The following CSGALNACT1 variants were observed in gnomAD, a reference collection of about 807,000 sequenced individuals.
The protein encoded by CSGALNACT1 is chondroitin sulfate N-acetylgalactosaminyltransferase 1, also known as beta4GalNAcT-1.
CSGALNACT1 carries 52 observed loss-of-function variants against 51.0 expected under a neutral mutation model. That is an observed-to-expected ratio of 1.02 (90% CI 0.82 to 1.29). The LOEUF (loss-of-function observed/expected upper bound fraction) is 1.29. Among genes scored for constraint, CSGALNACT1 ranks in the 50% most tolerant of loss-of-function variants. CSGALNACT1 has a pLI of 0.00. For missense variants in CSGALNACT1, 935 were observed against 679.2 expected (o/e 1.38, Z -4.19); for synonymous variants, 341 against 254.4 (o/e 1.34, Z -3.24).
Position 19,418,875 on chromosome 8 carries a change from G to T in CSGALNACT1, c.1133-125C>A. On this transcript the variant is annotated intron_variant, in intron 7 of 9. Coordinates refer to ENST00000454498, the Ensembl canonical transcript of CSGALNACT1. ...CCACTTTTTTTTTCTTTGAGAGGCA[G>T]TCTCACTGTCACCCAGGCTGCAATA... is the stretch of plus-strand genomic sequence containing the variant. 3 of 715,984 alleles carry T rather than the reference G, an allele frequency of 4.2e-6. No homozygotes were observed. The South Asian group carries it at 4.5e-5, about 11-fold the overall frequency. 44.4% of individuals were successfully genotyped at this position (715,984 alleles called of 1,614,324 possible).
At chr8:19,441,407 TA>T (rs1475826317) in intron 5 of CSGALNACT1, among the ~76,000 whole-genome samples, 1 of 152,042 alleles carries the variant, frequency 6.6e-6, no homozygotes, top group Non-Finnish European at 1.5e-5. Flanking sequence ...CCCTCAGAAA[TA>T]ATGCAGCATA....
In CSGALNACT1 at chr8:19,742,898, G is replaced by A. The variant is rs2064402472; in HGVS notation, c.-297+14952C>T. On this transcript the variant is annotated intron_variant, in intron 1 of 1. Coordinates refer to the CSGALNACT1 transcript ENST00000517494. Reference sequence around the variant, plus strand: ...TTCCACTTCTGCCACTGGCAACCACGTGAACTCTGAGAAGCCTCTTTGCCT... The same window carrying A: ...TTCCACTTCTGCCACTGGCAACCACATGAACTCTGAGAAGCCTCTTTGCCT... Among the ~76,000 whole-genome samples, 3 of 152,178 alleles carry A rather than the reference G, an allele frequency of 2.0e-5. No individual in the cohort carries two copies. In the South Asian group the frequency reaches 6.2e-4, roughly 32 times the overall value.
rs577650438 is a variant in CSGALNACT1, at chr8:19,492,534, C to A, written c.634+12667G>T. 5.3e-5 allele frequency among the ~76,000 whole-genome samples: 8 copies of A among 152,328 alleles called. No homozygotes were observed. The South Asian group carries it at 1.7e-3, about 32-fold the overall frequency. ...CTTAAACTCTGTGCCATCTACCCTG[C>A]TGGAGCTAGCCTGCCAACCTGGGCC... is the stretch of plus-strand genomic sequence containing the variant. On this transcript the variant is annotated intron_variant, in intron 4 of 9. Coordinates refer to ENST00000454498, the Ensembl canonical transcript of CSGALNACT1.
At position 19,643,066 on chromosome 8, in the gene CSGALNACT1, CACG is replaced by C. The variant is rs899895840; in HGVS notation, c.-544+39404_-544+39406del. ...GCAGGAATCACACACATAAAATATA[CACG>C]ACTACTTAAAAATTAAAATTAATAA... On this transcript the variant is annotated intron_variant, in intron 1 of 9. Transcript: ENST00000332246. Among the ~76,000 whole-genome samples, 284 of 152,008 alleles carry C rather than the reference CACG, an allele frequency of 1.9e-3. 1 individual carries two copies. Among genetic ancestry groups the C allele is most frequent in the African/African-American group, 5.9e-3 (246 of 41,482 alleles).
intron 3 of CSGALNACT1, among the ~76,000 whole-genome samples, chr8:19,537,190 C>A (rs1008327426): frequency 2.6e-5 from 4 of 152,222 alleles, no homozygotes; most frequent in South Asian, 4.2e-4. Flanking sequence ...TAATTTGTTT[C>A]TTTATTACCT....
chr8:19,507,813 G>C (rs536501317), intron 3 of CSGALNACT1, among the ~76,000 whole-genome samples: 5 of 152,258 alleles, frequency 3.3e-5, no homozygotes, highest in African/African-American at 1.2e-4. Flanking sequence ...TATTTTAGTA[G>C]AGACGGGGTT....
At chr8:19,445,986 C>A (rs759733830) in intron 5 of CSGALNACT1, among the ~76,000 whole-genome samples, 9 of 152,094 alleles carry the variant, frequency 5.9e-5, no homozygotes, top group African/African-American at 1.9e-4. Context: ...ACCACCCTGG[C>A]CAACATGGTG....
chr8:19,749,947 C>G (rs2064925128), intron 1 of CSGALNACT1, among the ~76,000 whole-genome samples: 1 of 152,204 alleles, frequency 6.6e-6, no homozygotes, highest in Admixed American at 6.5e-5. Context: ...ATGCACCAGG[C>G]TGCAGCTCTC....
intron 1 of CSGALNACT1, among the ~76,000 whole-genome samples, chr8:19,717,995 C>T (rs2062908390): frequency 6.6e-6 from 1 of 152,198 alleles, no homozygotes; most frequent in Admixed American, 6.5e-5. Flanking sequence ...CATCCGCCAT[C>T]AAGCCATCGC....
intron 3 of CSGALNACT1, among the ~76,000 whole-genome samples, chr8:19,515,611 A>G (rs576421996): frequency 7.5e-4 from 115 of 152,378 alleles, no homozygotes; most frequent in African/African-American, 2.6e-3. Context: ...TGAAGCAGAA[A>G]AAGGGAAATG....
chr8:19,422,198 T>C (rs1216013715), intron 6 of CSGALNACT1, among the ~76,000 whole-genome samples: 2 of 152,130 alleles, frequency 1.3e-5, no homozygotes, highest in African/African-American at 4.8e-5. Flanking sequence ...ATAATACACT[T>C]TTTCTTTTAG....
At chr8:19,637,178 C>G (rs548959786) in intron 1 of CSGALNACT1, among the ~76,000 whole-genome samples, 11 of 152,098 alleles carry the variant, frequency 7.2e-5, no homozygotes, top group African/African-American at 2.7e-4. Context: ...TGCACTCCAG[C>G]CTGGGCGATA....
intron 3 of CSGALNACT1, among the ~76,000 whole-genome samples, chr8:19,552,923 A>T (rs1211583847): frequency 1.3e-5 from 2 of 152,184 alleles, no homozygotes; most frequent in Non-Finnish European, 2.9e-5. Flanking sequence ...GGCCCTGGGG[A>T]AAAACAGAGG....
chr8:19,507,918 T>C (rs1242335053), intron 3 of CSGALNACT1, among the ~76,000 whole-genome samples: 2 of 152,264 alleles, frequency 1.3e-5, no homozygotes, highest in East Asian at 1.9e-4. Flanking sequence ...TGAGCCGCCG[T>C]GCCCGGCCCT....
At chr8:19,726,149 T>A (rs567695003) in intron 1 of CSGALNACT1, among the ~76,000 whole-genome samples, 1 of 152,346 alleles carries the variant, frequency 6.6e-6, no homozygotes, top group South Asian at 2.1e-4. Flanking sequence ...GCCTGTATAT[T>A]GGAAATAATA....
chr8:19,689,942 A>G (rs965321619), intron 1 of CSGALNACT1, among the ~76,000 whole-genome samples: 3 of 152,220 alleles, frequency 2.0e-5, no homozygotes, highest in African/African-American at 7.2e-5. Context: ...CCAACCGCCA[A>G]TGCCTGATCC....
chr8:19,457,389 G>C (rs547079846), intron 5 of CSGALNACT1: 3 of 351,156 alleles, frequency 8.5e-6, no homozygotes, highest in South Asian at 4.4e-5. Context: ...GAGGTGAGCA[G>C]ATCACCTGAG....
chr8:19,693,626 C>T (rs572008223), intron 1 of CSGALNACT1, among the ~76,000 whole-genome samples: 14 of 152,230 alleles, frequency 9.2e-5, no homozygotes, highest in South Asian at 2.1e-4. Context: ...GACCTGTCTA[C>T]AGGGAGCCCC....
At chr8:19,664,696 T>C (rs928547288) in intron 1 of CSGALNACT1, among the ~76,000 whole-genome samples, 2 of 151,962 alleles carry the variant, frequency 1.3e-5, no homozygotes, top group Non-Finnish European at 2.9e-5. Context: ...CACAATGGAA[T>C]ACTACTCAGC....
Sources: allele counts gnomAD v4.1 joint callset (sites outside exome capture counted in the v4.1 genomes callset), GRCh38; gene constraint gnomAD v4.1.1; transcripts MANE v1.5; gene names NCBI Gene and HGNC (gene_info 2026-07-23, HGNC 2026-07-21).